Variants in PIBF1 observed in about 807,000 individuals in gnomAD.
PIBF1 encodes the protein progesterone immunomodulatory binding factor 1.
In PIBF1, 90 loss-of-function variants were observed where a neutral mutation model predicts 112.5. That is an observed-to-expected ratio of 0.80 (90% confidence interval 0.67 to 0.95). PIBF1 has a LOEUF of 0.95. PIBF1 is among the 40% of genes least tolerant of loss of function. The probability of loss-of-function intolerance (pLI) is 0.00; values close to 1 mark genes in which losing one functional copy is unlikely to be tolerated. For missense variants in PIBF1, 915 were observed against 852.3 expected, an observed-to-expected ratio of 1.07 and a Z score of -0.92; for synonymous variants, 301 against 288.6, an observed-to-expected ratio of 1.04 and a Z score of -0.44.
intron 9 of PIBF1, among the ~76,000 whole-genome samples, chr13:72,846,991 C>G (rs918662876): frequency 2.0e-5 from 3 of 152,038 alleles, no homozygotes; most frequent in Non-Finnish European, 2.9e-5. Context: ...AAAACCTACT[C>G]AAAGGTTTAT....
intron 10 of PIBF1, among the ~76,000 whole-genome samples, chr13:72,867,063 A>C (rs1272105183): frequency 6.6e-6 from 1 of 152,196 alleles, no homozygotes; most frequent in Non-Finnish European, 1.5e-5. Context: ...TCCCCACCCA[A>C]ATCTCACCTT....
chr13:72,851,659 G>T (rs1228582319), intron 9 of PIBF1, among the ~76,000 whole-genome samples: 6 of 152,252 alleles, frequency 3.9e-5, no homozygotes, highest in African/African-American at 1.4e-4. Context: ...GCCAGGGATA[G>T]CCTGGAGCAT....
chr13:73,010,229 G>GTTTTT (rs35486011), intron 17 of PIBF1, among the ~76,000 whole-genome samples: 2 of 123,558 alleles, frequency 1.6e-5, no homozygotes, highest in African/African-American at 3.1e-5. Flanking sequence ...TTCTATGCTA[G>GTTTTT]TTTTTTTTTT....
chr13:72,878,800 A>G (rs1448223206), intron 10 of PIBF1, among the ~76,000 whole-genome samples: 1 of 152,150 alleles, frequency 6.6e-6, no homozygotes, highest in Non-Finnish European at 1.5e-5. Flanking sequence ...CTGTTCTTGG[A>G]CATATAAATG....
intron 16 of PIBF1, among the ~76,000 whole-genome samples, chr13:72,996,827 G>A (rs544621924): frequency 6.6e-5 from 10 of 152,144 alleles, no homozygotes; most frequent in African/African-American, 1.9e-4. Flanking sequence ...ATATAAGTTG[G>A]ATCATTATAT....
At chr13:72,902,428 A>T (rs1275186082) in intron 11 of PIBF1, among the ~76,000 whole-genome samples, 2 of 151,780 alleles carry the variant, frequency 1.3e-5, no homozygotes, top group East Asian at 3.8e-4. Flanking sequence ...AAAAAAAAAA[A>T]AAGAATTGAT....
intron 10 of PIBF1, among the ~76,000 whole-genome samples, chr13:72,856,269 A>G (rs139648843): frequency 6.6e-6 from 1 of 152,316 alleles, no homozygotes; most frequent in Non-Finnish European, 1.5e-5. Flanking sequence ...GTGAAACTTT[A>G]CTAACTGAAT....
chr13:73,015,114 G>A (rs555892210), intron 17 of PIBF1, among the ~76,000 whole-genome samples: 9 of 150,090 alleles, frequency 6.0e-5, no homozygotes, highest in East Asian at 2.0e-4. Flanking sequence ...TCCATCTCCC[G>A]TGTTAACTGA....
chr13:72,891,145 A>G (rs951769481), intron 10 of PIBF1, among the ~76,000 whole-genome samples: 5 of 152,270 alleles, frequency 3.3e-5, no homozygotes, highest in African/African-American at 1.2e-4. Context: ...TTAGTGCCAA[A>G]AGTAACTTTC....
intron 2 of PIBF1, among the ~76,000 whole-genome samples, chr13:72,784,715 A>C (rs913895328): frequency 6.7e-6 from 1 of 149,410 alleles, no homozygotes; most frequent in African/African-American, 2.5e-5. Flanking sequence ...CTGAGATCGT[A>C]CCACTGCACT....
At chr13:72,934,621 T>C (rs1039989165) in intron 14 of PIBF1, among the ~76,000 whole-genome samples, 2 of 152,172 alleles carry the variant, frequency 1.3e-5, no homozygotes, top group Non-Finnish European at 2.9e-5. Flanking sequence ...TACCATTGAG[T>C]TAAACACTAT....
Position 72,782,330 on chromosome 13 carries a change from G to C in PIBF1, c.-67G>C, listed in dbSNP as rs935446196. 2.6e-5 allele frequency: 4 copies of C among 154,500 alleles called. No homozygotes were observed. Among genetic ancestry groups the C allele is most frequent in the African/African-American group, 9.6e-5 (4 of 41,538 alleles). 9.6% of individuals were successfully genotyped at this position (154,500 alleles called of 1,614,324 possible). ...GGCTGCTGGTCAAGGCTTCAGTGTG[G>C]AGTAATTGACACTTTCGAGGTAACT... On this transcript the variant is annotated 5_prime_UTR_variant, in exon 1 of 18. Coordinates refer to ENST00000326291, the MANE Select transcript of PIBF1 (RefSeq NM_006346.4).
intron 2 of PIBF1, among the ~76,000 whole-genome samples, chr13:72,784,479 C>T (rs1351092759): frequency 2.7e-5 from 4 of 150,508 alleles, no homozygotes; most frequent in African/African-American, 9.8e-5. Context: ...TAATTGGAGG[C>T]CAAGTGCGGT....
intron 14 of PIBF1, among the ~76,000 whole-genome samples, chr13:72,938,857 T>G (rs1384248698): frequency 2.0e-5 from 3 of 152,224 alleles, no homozygotes; most frequent in Non-Finnish European, 4.4e-5. Flanking sequence ...ACTCTAGCCA[T>G]CCTGGCAATT....
At chr13:72,803,707 A>G (rs1156741712) in intron 5 of PIBF1, among the ~76,000 whole-genome samples, 1 of 152,196 alleles carries the variant, frequency 6.6e-6, no homozygotes, top group Non-Finnish European at 1.5e-5. Context: ...ACAACTGAAG[A>G]ATATATTTAT....
intron 11 of PIBF1, among the ~76,000 whole-genome samples, chr13:72,895,007 C>G (rs1206838885): frequency 6.8e-6 from 1 of 147,826 alleles, no homozygotes; most frequent in African/African-American, 2.4e-5. Flanking sequence ...ACCTGTAGTC[C>G]CAGCTACTTG....
intron 14 of PIBF1, among the ~76,000 whole-genome samples, chr13:72,962,193 G>GA: frequency 6.6e-6 from 1 of 152,142 alleles, no homozygotes; most frequent in East Asian, 1.9e-4. Context: ...TAACAATCTA[G>GA]AAAAATGATT....
chr13:72,927,064 C>CT lies in PIBF1; in HGVS notation c.1731-4086dup, dbSNP rs555171205. 3.1e-3 allele frequency among the ~76,000 whole-genome samples: 442 copies of CT among 141,842 alleles called. 2 individuals are homozygous for CT. The highest frequency in any genetic ancestry group is 4.5e-3 in the Non-Finnish European group (293 of 64,516). The allele number at this position is 141,842 out of a possible 152,430, so 93.1% of individuals were successfully genotyped here. On this transcript the variant is annotated intron_variant, in intron 13 of 17. Coordinates refer to ENST00000326291, the MANE Select transcript of PIBF1 (RefSeq NM_006346.4). ...ATCACCAAGAAAAAATAGTAATTTC[C>CT]TTTTTTTTTTTTTTTGAAACAGAGT...
At chr13:72,851,386 G>A (rs2038146711) in intron 9 of PIBF1, among the ~76,000 whole-genome samples, 1 of 152,248 alleles carries the variant, frequency 6.6e-6, no homozygotes. Context: ...GGCCAAGCCT[G>A]GGCACTGTTG....
Sources: allele counts gnomAD v4.1 joint callset (sites outside exome capture counted in the v4.1 genomes callset), GRCh38; gene constraint gnomAD v4.1.1; transcripts MANE v1.5; gene names NCBI Gene and HGNC (gene_info 2026-07-23, HGNC 2026-07-21).